TNIP1: variants seen among roughly 807,000 people sequenced by gnomAD.
TNIP1 encodes the protein TNFAIP3-interacting protein 1.
TNIP1 carries 22 observed loss-of-function variants against 86.6 expected under a neutral mutation model. The observed-to-expected ratio is 0.25, with a 90% CI of 0.18 to 0.36. TNIP1 has a LOEUF of 0.36. Ranked by LOEUF, TNIP1 falls within the 10% of genes least tolerant of loss-of-function variation. TNIP1 has a pLI of 1.00. For missense variants in TNIP1, 709 were observed against 820.6 expected (o/e 0.86, Z 1.66); for synonymous variants, 294 against 313.0 (o/e 0.94, Z 0.64).
intron 12 of TNIP1, chr5:151,037,199 G>T: frequency 3.8e-6 from 1 of 264,236 alleles, no homozygotes; most frequent in East Asian, 1.1e-4. Flanking sequence ...GCTTGTCCAA[G>T]GTCAAGGTCA....
At chr5:151,039,359 G>C in intron 11 of TNIP1, 134 bp from the exon 12 acceptor site, 1 of 974,490 alleles carries the variant, frequency 1.0e-6, no homozygotes, top group South Asian at 1.8e-5. Context: ...CAAAGCACCT[G>C]GGGTCGGTAC....
In TNIP1 at chr5:151,039,236, T is replaced by A. The variant is rs555015180; in HGVS notation, c.1135-11A>T. ...CTGCTCCTTGTCGGTCTGCAGGGAATACAAGGTTGGTAAGCTGGCTAGGAT... is the reference window on the plus strand; with the variant it reads ...CTGCTCCTTGTCGGTCTGCAGGGAAAACAAGGTTGGTAAGCTGGCTAGGAT... On this transcript the variant is annotated splice_polypyrimidine_tract_variant and intron_variant, in intron 11 of 17. Transcript: ENST00000521591. The A allele has an allele frequency of 6.2e-7, 1 of 1,610,046 alleles. No homozygotes were observed. The highest frequency in any genetic ancestry group is 1.3e-5 in the African/African-American group (1 of 74,976).
chr5:151,073,019 C>T (rs1184788874), intron 1 of TNIP1, among the ~76,000 whole-genome samples: 1 of 151,956 alleles, frequency 6.6e-6, no homozygotes, highest in East Asian at 1.9e-4. Context: ...GTCAGGAGTT[C>T]GAGATCAGCC....
intron 3 of TNIP1, among the ~76,000 whole-genome samples, chr5:151,062,610 A>C (rs3792790): frequency 0.44 from 67,355 of 152,046 alleles, 15,968 homozygotes; most frequent in Non-Finnish European, 0.54. Context: ...AAGGTCATCA[A>C]CTTGCCCACA....
chr5:151,064,742 G>A (rs1384574689), intron 2 of TNIP1, among the ~76,000 whole-genome samples: 1 of 152,148 alleles, frequency 6.6e-6, no homozygotes, highest in Non-Finnish European at 1.5e-5. Flanking sequence ...TGTCATCCTG[G>A]TTTCCGGGTG....
chr5:151,075,462 T>C (rs550039738), intron 1 of TNIP1, among the ~76,000 whole-genome samples: 3 of 152,270 alleles, frequency 2.0e-5, no homozygotes, highest in Admixed American at 6.5e-5. Flanking sequence ...CTGAGCATAG[T>C]TCCCAACAGT....
intron 6 of TNIP1, among the ~76,000 whole-genome samples, chr5:151,053,456 G>A (rs531831837): frequency 1.6e-3 from 248 of 152,324 alleles, no homozygotes; most frequent in African/African-American, 5.7e-3. Context: ...GCTGCTGAGA[G>A]GGACAGATGA....
chr5:151,086,636 CACAT>C (rs1207585531), intron 1 of TNIP1, among the ~76,000 whole-genome samples: 4 of 152,208 alleles, frequency 2.6e-5, no homozygotes, highest in Non-Finnish European at 4.4e-5. Context: ...CACAGAAAGA[CACAT>C]ACACGCTTCA....
Position 151,064,874 on chromosome 5 carries a change from G to A in TNIP1, c.136+86C>T, listed in dbSNP as rs931516213. On this transcript the variant is annotated intron_variant, in intron 2 of 17. Coordinates refer to ENST00000521591, the MANE Select transcript of TNIP1 (RefSeq NM_006058.5). ...ATGACTTGGGCAGAGGCATATGCCA[G>A]CTTCATTCTCCACTGCTAGTAGAGG... The A allele has an allele frequency of 2.5e-6, 4 of 1,587,408 alleles. No individual in the cohort carries two copies. The Admixed American group carries it at 5.0e-5, about 20-fold the overall frequency.
chr5:151,066,399 G>A (rs995121886), intron 1 of TNIP1, among the ~76,000 whole-genome samples: 1 of 152,196 alleles, frequency 6.6e-6, no homozygotes, highest in Admixed American at 6.5e-5. Context: ...AGAAGGGTTT[G>A]GGGGCTCGGC....
intron 11 of TNIP1, among the ~76,000 whole-genome samples, chr5:151,039,564 G>A (rs1758152554): frequency 6.6e-6 from 1 of 152,182 alleles, no homozygotes. Context: ...CAGGTACGGG[G>A]TTCCTAACGT....
At chr5:151,067,431 G>A (rs1027116287) in intron 1 of TNIP1, among the ~76,000 whole-genome samples, 4 of 152,190 alleles carry the variant, frequency 2.6e-5, no homozygotes, top group Non-Finnish European at 4.4e-5. Flanking sequence ...TATTCCTGTC[G>A]GGAGCACAGG....
At chr5:151,034,624 A>G (rs928881525) in intron 15 of TNIP1, 20 of 332,152 alleles carry the variant, frequency 6.0e-5, no homozygotes, top group Admixed American at 3.4e-4. Flanking sequence ...AGGCTGGTAC[A>G]TGGGCATGGA....
At chr5:151,084,400 G>A (rs150153507), upstream of TNIP1, among the ~76,000 whole-genome samples, 1,652 of 150,570 alleles carry the variant, frequency 0.011, 37 homozygotes, top group African/African-American at 0.037. Context: ...AGCCAAGATC[G>A]CGCCATTGCA....
intron 1 of TNIP1, among the ~76,000 whole-genome samples, chr5:151,074,869 C>G (rs1763204606): frequency 6.6e-6 from 1 of 152,232 alleles, no homozygotes; most frequent in African/African-American, 2.4e-5. Context: ...ACTTCCACCT[C>G]CCAGCCCAAG....
At chr5:151,038,989 T>TGGG in intron 12 of TNIP1, 108 bp downstream of exon 12, 3 of 1,435,302 alleles carry the variant, frequency 2.1e-6, no homozygotes, top group Non-Finnish European at 2.8e-6. Flanking sequence ...GCTCACTGAC[T>TGGG]GGGGGTTACC....
chr5:151,034,866 G>T, intron 15 of TNIP1, 136 bp downstream of exon 15: 3 of 900,654 alleles, frequency 3.3e-6, no homozygotes, highest in Non-Finnish European at 5.3e-6. Flanking sequence ...CTGCTCTAAG[G>T]CTTTTCCTGT....
At chr5:151,067,008 G>A (rs886819153) in intron 1 of TNIP1, among the ~76,000 whole-genome samples, 1 of 152,170 alleles carries the variant, frequency 6.6e-6, no homozygotes, top group African/African-American at 2.4e-5. Context: ...GTTCTGATGA[G>A]AAGGACCCCT....
At chr5:151,079,034 C>A (rs553099742) in intron 1 of TNIP1, among the ~76,000 whole-genome samples, 78 of 152,340 alleles carry the variant, frequency 5.1e-4, no homozygotes, top group African/African-American at 1.5e-3. Context: ...AGGCATCAAC[C>A]TTCAGCATGA....
Sources: allele counts gnomAD v4.1 joint callset (sites outside exome capture counted in the v4.1 genomes callset), GRCh38; gene constraint gnomAD v4.1.1; transcripts MANE v1.5; gene names NCBI Gene and HGNC (gene_info 2026-07-23, HGNC 2026-07-21).